The following NEK7 variants were observed in gnomAD, a reference collection of about 807,000 sequenced individuals.
NEK7 encodes the protein serine/threonine-protein kinase Nek7.
NEK7 carries 18 observed loss-of-function variants against 44.6 expected under a neutral mutation model. That is an observed-to-expected ratio of 0.40 (90% CI 0.28 to 0.60). The LOEUF is 0.60. Ranked by LOEUF, NEK7 falls within the 20% of genes least tolerant of loss-of-function variation. The probability of loss-of-function intolerance (pLI) is 0.38; values close to 1 mark genes in which losing one functional copy is unlikely to be tolerated. For synonymous variants in NEK7, 130 were observed against 121.1 expected (o/e 1.07, Z -0.48); for missense variants, 256 against 366.5 (o/e 0.70, Z 2.46).
intron 8 of NEK7, among the ~76,000 whole-genome samples, chr1:198,294,754 G>C (rs1004461246): frequency 7.9e-5 from 12 of 152,118 alleles, no homozygotes; most frequent in African/African-American, 2.9e-4. Context: ...TGAGTTATAT[G>C]TATTGTGGAT....
At chr1:198,225,159 A>G (rs1357653087) in intron 1 of NEK7, among the ~76,000 whole-genome samples, 1 of 151,942 alleles carries the variant, frequency 6.6e-6, no homozygotes, top group Non-Finnish European at 1.5e-5. Context: ...CCTGGACCAC[A>G]TAGTGAGACC....
At chr1:198,264,612 T>A (rs199501001) in intron 5 of NEK7, among the ~76,000 whole-genome samples, 1 of 69,304 alleles carries the variant, frequency 1.4e-5, no homozygotes, top group Non-Finnish European at 2.6e-5. Context: ...ACCTGTTTCT[T>A]GGGGGGGAAT....
intron 1 of NEK7, among the ~76,000 whole-genome samples, chr1:198,179,050 T>C (rs1053634501): frequency 2.0e-5 from 3 of 151,466 alleles, no homozygotes; most frequent in Non-Finnish European, 2.9e-5. Flanking sequence ...TCATTTGATA[T>C]GGGATATGGT....
intron 5 of NEK7, among the ~76,000 whole-genome samples, chr1:198,270,125 A>G (rs1187062742): frequency 6.6e-6 from 1 of 152,020 alleles, no homozygotes; most frequent in East Asian, 1.9e-4. Flanking sequence ...CTCAAAAAAT[A>G]TATAAATAAG....
rs564346359 is a variant in NEK7 at position 198,220,431 on chromosome 1, T to C, written c.-28-12122T>C. Among the ~76,000 whole-genome samples, 142 of 152,246 alleles carry C rather than the reference T, an allele frequency of 9.3e-4. 2 individuals carry two copies. The highest frequency in any genetic ancestry group is 3.4e-3 in the Middle Eastern group (1 of 294). ...TAGGTTAGTTTAATGTGTTTAACTA[T>C]AAATGTTGAGACTGGGATACTAGAA... On this transcript the variant is annotated intron_variant, in intron 1 of 9. Transcript: ENST00000367385.
chr1:198,291,651 A>G (rs1033213218), intron 7 of NEK7, among the ~76,000 whole-genome samples: 1 of 151,094 alleles, frequency 6.6e-6, no homozygotes, highest in South Asian at 2.1e-4. Flanking sequence ...TTTTTTTTTT[A>G]ACGTTTCTTC....
intron 2 of NEK7, among the ~76,000 whole-genome samples, chr1:198,242,156 G>T (rs1666701841): frequency 6.6e-6 from 1 of 151,762 alleles, no homozygotes; most frequent in African/African-American, 2.4e-5. Flanking sequence ...TACATCTACT[G>T]TCCTCATCTC....
intron 1 of NEK7, among the ~76,000 whole-genome samples, chr1:198,159,283 C>G (rs886812717): frequency 3.3e-5 from 5 of 151,888 alleles, no homozygotes; most frequent in Middle Eastern, 3.4e-3. Flanking sequence ...AGGCTGAGGG[C>G]CAGCCTGGAG....
At chr1:198,250,539 A>G (rs1652909348) in intron 2 of NEK7, among the ~76,000 whole-genome samples, 1 of 143,346 alleles carries the variant, frequency 7.0e-6, no homozygotes, top group East Asian at 2.1e-4. Context: ...ATTTGTTTGT[A>G]TCCTCTTTTA....
intron 3 of NEK7, among the ~76,000 whole-genome samples, chr1:198,261,948 T>C (rs1653488933): frequency 6.6e-6 from 1 of 151,934 alleles, no homozygotes; most frequent in African/African-American, 2.4e-5. Context: ...CTATACTTTA[T>C]ACTTAATAGA....
chr1:198,191,206 TAG>T (rs1366966980), intron 1 of NEK7, among the ~76,000 whole-genome samples: 1 of 152,056 alleles, frequency 6.6e-6, no homozygotes, highest in Non-Finnish European at 1.5e-5. Flanking sequence ...GTGCATATGT[TAG>T]AGTTTTTTTG....
intron 2 of NEK7, among the ~76,000 whole-genome samples, chr1:198,239,062 GTT>G (rs1002926107): frequency 2.0e-5 from 3 of 152,108 alleles, no homozygotes; most frequent in Non-Finnish European, 4.4e-5. Flanking sequence ...AACTCCTCTA[GTT>G]TAGAATATTG....
intron 1 of NEK7, among the ~76,000 whole-genome samples, chr1:198,194,525 A>G (rs1012366152): frequency 1.7e-5 from 2 of 119,246 alleles, no homozygotes; most frequent in African/African-American, 3.2e-5. Flanking sequence ...TGTCCATGTG[A>G]TCTCATCATT....
At chr1:198,194,204 A>G (rs1308924817) in intron 1 of NEK7, among the ~76,000 whole-genome samples, 3 of 152,126 alleles carry the variant, frequency 2.0e-5, no homozygotes, top group Non-Finnish European at 2.9e-5. Context: ...AGAGAGGTTG[A>G]ACTTGAGATG....
chr1:198,284,753 A>G (rs1654317306), intron 7 of NEK7, among the ~76,000 whole-genome samples: 1 of 152,194 alleles, frequency 6.6e-6, no homozygotes, highest in Admixed American at 6.5e-5. Context: ...ATTTAAACAT[A>G]TAAACAGAGT....
chr1:198,315,108 C>T (rs556850590), intron 9 of NEK7, among the ~76,000 whole-genome samples: 7 of 152,332 alleles, frequency 4.6e-5, no homozygotes, highest in South Asian at 4.1e-4. Flanking sequence ...TAGGACCCTC[C>T]GAGCCAGATG....
intron 2 of NEK7, among the ~76,000 whole-genome samples, chr1:198,250,212 G>A (rs1297241245): frequency 8.8e-5 from 13 of 147,640 alleles, no homozygotes; most frequent in Non-Finnish European, 1.5e-4. Context: ...TTATTTCTGA[G>A]GGCTCTGTTC....
At chr1:198,198,126 G>C in intron 1 of NEK7, 2 of 959,286 alleles carry the variant, frequency 2.1e-6, no homozygotes, top group South Asian at 1.5e-5. Flanking sequence ...GAACCTCCAG[G>C]GTACCCTATG....
chr1:198,301,878 A>G (rs1654895331), intron 9 of NEK7, among the ~76,000 whole-genome samples: 2 of 152,378 alleles, frequency 1.3e-5, no homozygotes, highest in South Asian at 4.1e-4. Context: ...TTATTTAGTA[A>G]TAATTGTAAA....
Sources: allele counts gnomAD v4.1 joint callset (sites outside exome capture counted in the v4.1 genomes callset), GRCh38; gene constraint gnomAD v4.1.1; transcripts MANE v1.5; gene names NCBI Gene and HGNC (gene_info 2026-07-23, HGNC 2026-07-21).